Variants in GNB1 observed in about 807,000 individuals in gnomAD.
GNB1 encodes the protein guanine nucleotide-binding protein G(I)/G(S)/G(T) subunit beta-1.
GNB1 carries 2 observed loss-of-function variants against 42.9 expected under a neutral mutation model. That is an observed-to-expected ratio of 0.05 (90% CI 0.02 to 0.15). GNB1 has a LOEUF of 0.15. Among genes scored for constraint, GNB1 ranks in the 10% least tolerant of loss-of-function variants. GNB1 has a pLI of 1.00. For synonymous variants in GNB1, 183 were observed against 174.7 expected (o/e 1.05, Z -0.38); for missense variants, 193 against 462.2 (o/e 0.42, Z 5.34).
At chr1:1,822,061 C>T (rs1412398678) in intron 3 of GNB1, among the ~76,000 whole-genome samples, 1 of 152,168 alleles carries the variant, frequency 6.6e-6, no homozygotes, top group Non-Finnish European at 1.5e-5. Flanking sequence ...CGCACCACTG[C>T]TCTCCAGCTT....
chr1:1,825,265 C>A, intron 3 of GNB1, 132 bp downstream of exon 3: 1 of 723,762 alleles, frequency 1.4e-6, no homozygotes. Context: ...ATTAGTACAT[C>A]CTGGGCCAAC....
At chr1:1,863,714 T>C (rs1302447853) in intron 1 of GNB1, among the ~76,000 whole-genome samples, 1 of 152,202 alleles carries the variant, frequency 6.6e-6, no homozygotes, top group African/African-American at 2.4e-5. Flanking sequence ...AACACCCAAA[T>C]TTCAGATATC....
At chr1:1,806,151 C>G (rs1295947150) in intron 6 of GNB1, among the ~76,000 whole-genome samples, 1 of 152,170 alleles carries the variant, frequency 6.6e-6, no homozygotes, top group South Asian at 2.1e-4. Context: ...CTTCTGCACT[C>G]TATAAATAAA....
intron 7 of GNB1, among the ~76,000 whole-genome samples, chr1:1,796,303 G>A (rs1269242515): frequency 6.6e-6 from 1 of 152,212 alleles, no homozygotes; most frequent in Non-Finnish European, 1.5e-5. Context: ...ACAGAGACCA[G>A]GTCTAACCCC....
chr1:1,866,434 T>C (rs2101716730), intron 1 of GNB1, among the ~76,000 whole-genome samples: 1 of 152,318 alleles, frequency 6.6e-6, no homozygotes, highest in Middle Eastern at 3.4e-3. Context: ...CATCTCTTCA[T>C]GCCAATAAAG....
chr1:1,805,558 G>A (rs967117456), intron 6 of GNB1, among the ~76,000 whole-genome samples: 4 of 151,380 alleles, frequency 2.6e-5, no homozygotes, highest in Admixed American at 6.6e-5. Context: ...TTTTTTTTTC[G>A]AGATGGAGTT....
chr1:1,795,923 C>G (rs375470458), intron 7 of GNB1, among the ~76,000 whole-genome samples: 28 of 152,272 alleles, frequency 1.8e-4, no homozygotes, highest in African/African-American at 6.5e-4. Context: ...GGACAAGCAT[C>G]AGCTGACAGG....
chr1:1,840,364 T>A (rs938235797), intron 1 of GNB1, among the ~76,000 whole-genome samples: 1 of 151,972 alleles, frequency 6.6e-6, no homozygotes, highest in African/African-American at 2.4e-5. Context: ...TCATCTCTAC[T>A]AAAAATACAA....
At chr1:1,800,487 C>CA (rs1646608763) in intron 7 of GNB1, among the ~76,000 whole-genome samples, 1 of 151,992 alleles carries the variant, frequency 6.6e-6, no homozygotes, top group African/African-American at 2.4e-5. Context: ...CTAACAACAA[C>CA]AAAAAGGAAC....
rs762856445 is a variant in GNB1, at chr1:1,815,112, T to TAA, written c.203+642_203+643dup. ...GGGCAACACAGTGAGACTCCGTCTT[T>TAA]AAAAAAAAAAAAAAAAAGAGAAAAG... On this transcript the variant is annotated intron_variant, in intron 5 of 11. Transcript: ENST00000378609. Among the ~76,000 whole-genome samples, 11 of 123,372 alleles carry TAA rather than the reference T, an allele frequency of 8.9e-5. 1 individual carries two copies. The highest frequency in any genetic ancestry group is 3.3e-4 in the Admixed American group (4 of 11,950). The allele number at this position is 123,372 out of a possible 152,430, so 80.9% of individuals were successfully genotyped here.
chr1:1,817,851 C>T lies in GNB1; in HGVS notation c.82G>A (p.Ala28Thr), dbSNP rs2100888232. Residue 28 changes from alanine to threonine, a missense_variant, in exon 4 of 12, where the codon GCA becomes ACA. Physicochemically the swap from Ala to Thr is moderately conservative, Grantham distance 58. This residue lies in a region of GNB1 where 43 missense variants were observed against 51.5 expected (regional missense o/e 0.84). Transcript: ENST00000378609. ...TGGGCTCTTACCTGAGAGAGAGTTG[C>T]ATCTGCACATGCTTTCCTGGCGTCC... ...IRDARKACAD[A>T]TLSQITNNID... is the part of the protein sequence containing the mutation. 1 of 1,612,236 alleles carries T rather than the reference C, an allele frequency of 6.2e-7. No homozygotes were observed. Among genetic ancestry groups the T allele is most frequent in the Non-Finnish European group, 8.5e-7 (1 of 1,178,314 alleles).
chr1:1,793,483 T>C (rs757444741), intron 7 of GNB1, 172 bp from the exon 8 acceptor site: 7 of 504,326 alleles, frequency 1.4e-5, no homozygotes, highest in South Asian at 2.8e-5. Flanking sequence ...CCACACGCAC[T>C]GCTGGTGAGG....
intron 7 of GNB1, among the ~76,000 whole-genome samples, chr1:1,802,738 T>TGG (rs1646642085): frequency 6.8e-6 from 1 of 147,892 alleles, no homozygotes; most frequent in South Asian, 2.1e-4. Context: ...TACTACAGCC[T>TGG]GGGTGACAGA....
intron 1 of GNB1, among the ~76,000 whole-genome samples, chr1:1,875,847 CA>C (rs1649517023): frequency 7.3e-6 from 1 of 137,296 alleles, no homozygotes; most frequent in Non-Finnish European, 1.6e-5. Context: ...TCCCCCCCCC[CA>C]AAATTCATGT....
intron 1 of GNB1, among the ~76,000 whole-genome samples, chr1:1,855,648 G>A (rs1275612096): frequency 6.6e-6 from 1 of 151,800 alleles, no homozygotes; most frequent in African/African-American, 2.4e-5. Flanking sequence ...GGAGCCTGCA[G>A]TGAGCCGAGA....
intron 1 of GNB1, among the ~76,000 whole-genome samples, chr1:1,848,180 C>T (rs916405340): frequency 6.6e-6 from 1 of 151,772 alleles, no homozygotes; most frequent in African/African-American, 2.4e-5. Context: ...GTGTTCCAGA[C>T]CACCCTGGCC....
At chr1:1,805,393 G>A (rs1223643684) in intron 6 of GNB1, among the ~76,000 whole-genome samples, 8 of 151,564 alleles carry the variant, frequency 5.3e-5, no homozygotes, top group Non-Finnish European at 1.0e-4. Context: ...CCAGGGGGGT[G>A]GAGGCTGCAG....
intron 5 of GNB1, among the ~76,000 whole-genome samples, chr1:1,814,938 C>T (rs897885377): frequency 1.5e-4 from 22 of 151,370 alleles, no homozygotes; most frequent in Non-Finnish European, 1.3e-4. Context: ...TGGTGAAACC[C>T]CATCTCTACT....
intron 1 of GNB1, among the ~76,000 whole-genome samples, chr1:1,871,382 C>T (rs913749128): frequency 2.0e-5 from 3 of 152,068 alleles, no homozygotes; most frequent in African/African-American, 4.8e-5. Flanking sequence ...ATTGCTTGAA[C>T]GTAGGAGGCG....
Sources: gnomAD v4.1 joint callset for allele counts (sites outside exome capture counted in the v4.1 genomes callset) on GRCh38, gnomAD v4.1.1 for gene constraint, gnomAD v4.1.1 regional missense constraint, MANE v1.5 for transcripts, NCBI Gene and HGNC (gene_info 2026-07-23, HGNC 2026-07-21) for gene names.